Variants in TBC1D32 observed in about 807,000 individuals in gnomAD.
TBC1D32 encodes protein broad-minded.
TBC1D32 carries 151 observed loss-of-function variants against 170.3 expected under a neutral mutation model. The observed-to-expected ratio is 0.89, with a 90% CI of 0.78 to 1.01. The LOEUF (loss-of-function observed/expected upper bound fraction) is 1.01, where lower values mean the gene tolerates loss of function less well. TBC1D32 is among the 50% of genes least tolerant of loss of function. The pLI, the probability that TBC1D32 is intolerant of heterozygous loss-of-function variation, is 0.00. For missense variants in TBC1D32, 1,464 were observed against 1,457.1 expected (o/e 1.00, Z -0.08); for synonymous variants, 498 against 488.0 (o/e 1.02, Z -0.27).
At chr6:121,144,695 G>C (rs1240420392) in intron 24 of TBC1D32, among the ~76,000 whole-genome samples, 1 of 152,062 alleles carries the variant, frequency 6.6e-6, no homozygotes, top group Non-Finnish European at 1.5e-5. Context: ...ATGAGTTCAA[G>C]GCAAAGATAA....
In TBC1D32 at chr6:121,292,033, T is replaced by C. The variant is rs776633332; in HGVS notation, c.1372+20A>G. The C allele has an allele frequency of 1.3e-6, 2 of 1,547,988 alleles. No homozygotes were observed. The highest frequency in any genetic ancestry group is 2.8e-5 in the African/African-American group (2 of 72,134). ...ATCTTAGCATATCTTAACAAATTTA[T>C]TTCTCCTAATTGTACTTACCTTTTT... is the stretch of plus-strand genomic sequence containing the variant. On this transcript the variant is annotated intron_variant, in intron 12 of 31. Coordinates refer to ENST00000398212, the MANE Select transcript of TBC1D32 (RefSeq NM_152730.6).
At chr6:121,133,128 A>T (rs912795004) in intron 24 of TBC1D32, among the ~76,000 whole-genome samples, 2 of 151,976 alleles carry the variant, frequency 1.3e-5, no homozygotes, top group Non-Finnish European at 2.9e-5. Context: ...CTACAAAATC[A>T]TCTACCTAAG....
chr6:121,281,739 T>C (rs1286549664), intron 13 of TBC1D32, 53 bp from the exon 14 acceptor site: 4 of 1,405,222 alleles, frequency 2.8e-6, no homozygotes, highest in Admixed American at 2.3e-5. Flanking sequence ...CTTAGAACTA[T>C]TTTATGTTAG....
intron 27 of TBC1D32, 78 bp downstream of exon 27, chr6:121,115,094 T>C: frequency 9.5e-7 from 1 of 1,049,708 alleles, no homozygotes; most frequent in South Asian, 2.3e-5. Flanking sequence ...GTTGTTAAAT[T>C]AAATACTACT....
At chr6:121,090,033 C>T (rs1425910844) in intron 31 of TBC1D32, among the ~76,000 whole-genome samples, 7 of 151,616 alleles carry the variant, frequency 4.6e-5, no homozygotes, top group African/African-American at 1.7e-4. Flanking sequence ...CCTGGGTTCA[C>T]GCCATTCTCC....
At chr6:121,213,291 C>G (rs1302671902) in intron 21 of TBC1D32, among the ~76,000 whole-genome samples, 1 of 151,838 alleles carries the variant, frequency 6.6e-6, no homozygotes, top group Non-Finnish European at 1.5e-5. Context: ...GATTCTATAT[C>G]TAGAGAACCC....
chr6:121,305,042 C>T (rs767047521), intron 5 of TBC1D32, among the ~76,000 whole-genome samples: 3 of 152,030 alleles, frequency 2.0e-5, no homozygotes, highest in Admixed American at 6.6e-5. Context: ...AATCTAATAA[C>T]AGAAAGCTAT....
At chr6:121,129,639 T>C (rs1179021900) in intron 25 of TBC1D32, among the ~76,000 whole-genome samples, 1 of 152,198 alleles carries the variant, frequency 6.6e-6, no homozygotes, top group East Asian at 1.9e-4. Flanking sequence ...TAGATAATTG[T>C]CCAGTTGCTA....
intron 14 of TBC1D32, 78 bp from the exon 15 acceptor site, chr6:121,279,323 T>G: frequency 6.8e-7 from 1 of 1,467,518 alleles, no homozygotes; most frequent in Non-Finnish European, 9.2e-7. Flanking sequence ...AATCCGAGGA[T>G]TGTAAGTAGT....
chr6:121,220,206 G>A (rs1411243687), intron 21 of TBC1D32, among the ~76,000 whole-genome samples: 6 of 152,174 alleles, frequency 3.9e-5, no homozygotes, highest in Non-Finnish European at 8.8e-5. Flanking sequence ...ACTGAGACAG[G>A]CCAAAAGCTG....
At chr6:121,256,306 G>C in intron 15 of TBC1D32, 21 bp from the exon 16 acceptor site, 1 of 1,582,360 alleles carries the variant, frequency 6.3e-7, no homozygotes. Flanking sequence ...ATACCTGAAA[G>C]TGATTCCAAG....
rs1775481662 is a variant in TBC1D32 at position 121,079,949 on chromosome 6, A to C, written c.*822T>G. 6.6e-6 allele frequency: 1 copy of C among 152,166 alleles called. No homozygotes were observed. Among genetic ancestry groups the C allele is most frequent in the African/African-American group, 2.4e-5 (1 of 41,446 alleles). The allele number at this position is 152,166 out of a possible 1,614,324, so 9.4% of individuals were successfully genotyped here. ...TGGGTATCAAAAGCAACTCCTAAAAAACAATTATGTCCAAGGACAACAGTT... is the reference window on the plus strand; with the variant it reads ...TGGGTATCAAAAGCAACTCCTAAAACACAATTATGTCCAAGGACAACAGTT... On this transcript the variant is annotated 3_prime_UTR_variant, in exon 32 of 32. Transcript: ENST00000398212.
At chr6:121,272,332 G>A (rs1801567956) in intron 15 of TBC1D32, among the ~76,000 whole-genome samples, 1 of 152,084 alleles carries the variant, frequency 6.6e-6, no homozygotes, top group Non-Finnish European at 1.5e-5. Context: ...CCTACAGAAA[G>A]GGAGAAACTT....
rs1562933456 is a variant in TBC1D32 at position 121,213,504 on chromosome 6, TAAAATAAAATAAAATAAAATAAATA to T, written c.2482-8366_2482-8342del. ...TAAAATAAAATAAAATAAAATAAAA[TAAAATAAAATAAAATAAAATAAATA>T]AAATAAAATAAAATAAAATAAAATA... is the stretch of plus-strand genomic sequence containing the variant. On this transcript the variant is annotated intron_variant, in intron 21 of 31. Transcript: ENST00000398212. 3.1e-3 allele frequency among the ~76,000 whole-genome samples: 31 copies of T among 10,118 alleles called. 1 individual carries two copies. The highest frequency in any genetic ancestry group is 4.1e-3 in the African/African-American group (31 of 7,618). 6.6% of individuals were successfully genotyped at this position (10,118 alleles called of 152,430 possible).
At chr6:121,104,925 T>C (rs1477850814) in intron 30 of TBC1D32, among the ~76,000 whole-genome samples, 6 of 151,828 alleles carry the variant, frequency 4.0e-5, no homozygotes, top group Non-Finnish European at 7.4e-5. Flanking sequence ...CATCTCAAAG[T>C]ATATGTAGTA....
At chr6:121,176,221 G>A (rs910223787) in intron 22 of TBC1D32, among the ~76,000 whole-genome samples, 1 of 152,120 alleles carries the variant, frequency 6.6e-6, no homozygotes, top group Non-Finnish European at 1.5e-5. Context: ...TCAGGAAAGA[G>A]CTCACTAAGA....
intron 21 of TBC1D32, among the ~76,000 whole-genome samples, chr6:121,210,035 A>G (rs1792847982): frequency 6.6e-6 from 1 of 152,240 alleles, no homozygotes; most frequent in Non-Finnish European, 1.5e-5. Context: ...AATTGTGTAT[A>G]TTAAAGGAAA....
At chr6:121,285,366 A>G (rs111492851) in intron 12 of TBC1D32, among the ~76,000 whole-genome samples, 333 of 152,286 alleles carry the variant, frequency 2.2e-3, no homozygotes, top group African/African-American at 7.5e-3. Context: ...GAATACATTT[A>G]ATTATTTCAG....
intron 24 of TBC1D32, among the ~76,000 whole-genome samples, chr6:121,147,280 A>C (rs780947075): frequency 1.2e-4 from 19 of 152,218 alleles, no homozygotes; most frequent in Non-Finnish European, 2.5e-4. Flanking sequence ...CAATGAAAAC[A>C]CGAGTGCATG....
Sources: gnomAD v4.1 joint callset for allele counts (sites outside exome capture counted in the v4.1 genomes callset) on GRCh38, gnomAD v4.1.1 for gene constraint, MANE v1.5 for transcripts, NCBI Gene and HGNC (gene_info 2026-07-23, HGNC 2026-07-21) for gene names.